The following RELCH variants were observed in gnomAD, a reference collection of about 807,000 sequenced individuals.
RELCH encodes RAB11 binding and LisH domain, coiled-coil and HEAT repeat containing.
Under a neutral mutation model 150.3 loss-of-function variants are expected in RELCH, and 41 were observed. The ratio of observed to expected loss-of-function variants is 0.27; its 90% CI spans 0.21 to 0.35. The LOEUF is 0.35. Among genes scored for constraint, RELCH ranks in the 10% least tolerant of loss-of-function variants. The probability of loss-of-function intolerance (pLI) is 1.00; values close to 1 mark genes in which losing one functional copy is unlikely to be tolerated. For missense variants in RELCH, 1,092 were observed against 1,467.8 expected, an observed-to-expected ratio of 0.74 and a Z score of 4.18; for synonymous variants, 478 against 531.8, an observed-to-expected ratio of 0.90 and a Z score of 1.39.
intron 1 of RELCH, among the ~76,000 whole-genome samples, chr18:62,198,625 A>G (rs1390713010): frequency 3.9e-5 from 6 of 152,162 alleles, no homozygotes; most frequent in Non-Finnish European, 1.5e-5. Context: ...CATTTGTACC[A>G]TCAGTTTTAG....
chr18:62,279,938 A>G (rs1263691232), intron 23 of RELCH, 82 bp downstream of exon 23: 2 of 834,972 alleles, frequency 2.4e-6, no homozygotes, highest in Non-Finnish European at 3.8e-6. Context: ...TCTTAAATTT[A>G]TTGAAGAATC....
intron 11 of RELCH, chr18:62,247,219 T>C (rs933871995): frequency 1.3e-5 from 2 of 152,132 alleles, no homozygotes; most frequent in African/African-American, 4.8e-5. Context: ...ATGAGCCCCA[T>C]AAAAATTGCA....
In RELCH at chr18:62,245,001, G is replaced by T. The variant is rs574108928; in HGVS notation, c.1733+125G>T. 3.6e-5 allele frequency: 23 copies of T among 634,398 alleles called. No homozygotes were observed. In the South Asian group the frequency reaches 3.7e-4, roughly 10 times the overall value. The allele number at this position is 634,398 out of a possible 1,614,324, so 39.3% of individuals were successfully genotyped here. ...TCCTTCCAGTATCTATTTTAGCAGC[G>T]CTGGAGCATTCCCCCATCATGGATT... On this transcript the variant is annotated intron_variant, in intron 11 of 28. Coordinates refer to ENST00000644646, the MANE Select transcript of RELCH (RefSeq NM_001346231.2).
intron 17 of RELCH, 37 bp downstream of exon 17, chr18:62,264,182 T>C (rs1174939241): frequency 6.6e-7 from 1 of 1,508,216 alleles, no homozygotes. Context: ...GAATAGATGA[T>C]AACTCTTATA....
chr18:62,219,329 T>TC (rs2040690830), intron 2 of RELCH, among the ~76,000 whole-genome samples: 5 of 147,526 alleles, frequency 3.4e-5, no homozygotes, highest in Admixed American at 3.4e-4. Flanking sequence ...TTTTTTCTTT[T>TC]TTTTTTTTTT....
chr18:62,245,680 G>A (rs2148503957), intron 11 of RELCH: 1 of 152,178 alleles, frequency 6.6e-6, no homozygotes, highest in African/African-American at 2.4e-5. Flanking sequence ...TATAGGTACT[G>A]AAGGCCATTA....
intron 2 of RELCH, among the ~76,000 whole-genome samples, chr18:62,213,149 T>G (rs1395943468): frequency 6.6e-6 from 1 of 152,116 alleles, no homozygotes; most frequent in Non-Finnish European, 1.5e-5. Flanking sequence ...AAATAGCACT[T>G]GTTATATATA....
intron 27 of RELCH, among the ~76,000 whole-genome samples, chr18:62,296,218 T>C (rs980034190): frequency 6.6e-6 from 1 of 152,254 alleles, no homozygotes; most frequent in African/African-American, 2.4e-5. Flanking sequence ...TAGTTAATTT[T>C]ATGGTTCCAT....
At chr18:62,214,445 G>T (rs1335230506) in intron 2 of RELCH, among the ~76,000 whole-genome samples, 1 of 152,102 alleles carries the variant, frequency 6.6e-6, no homozygotes, top group Non-Finnish European at 1.5e-5. Context: ...ACTCCTCATG[G>T]TTTGGAGTCT....
At chr18:62,297,853 T>C (rs1006607980) in intron 27 of RELCH, among the ~76,000 whole-genome samples, 3 of 152,170 alleles carry the variant, frequency 2.0e-5, no homozygotes, top group Admixed American at 1.3e-4. Context: ...TTCCTCCATC[T>C]CCTTCATGTT....
Position 62,298,875 on chromosome 18 carries a change from C to CT in RELCH, c.3530+22dup. On this transcript the variant is annotated intron_variant, in intron 28 of 28. Coordinates refer to ENST00000644646, the MANE Select transcript of RELCH (RefSeq NM_001346231.2). ...GAGCCTCAAGGGTAAGACATTAATT[C>CT]TTTTTTTAAGGCTACATGTTAACTT... is the stretch of plus-strand genomic sequence containing the variant. 6 of 1,451,732 alleles carry CT rather than the reference C, an allele frequency of 4.1e-6. No homozygotes were observed. Among genetic ancestry groups the CT allele is most frequent in the Non-Finnish European group, 5.7e-6 (6 of 1,049,322 alleles). The allele number at this position is 1,451,732 out of a possible 1,614,324, so 89.9% of individuals were successfully genotyped here. A position where few individuals can be genotyped will look rare whatever the true frequency, so the allele number is the denominator to read the frequency against.
At chr18:62,244,964 A>C in intron 11 of RELCH, 88 bp downstream of exon 11, 1 of 849,562 alleles carries the variant, frequency 1.2e-6, no homozygotes, top group Non-Finnish European at 2.0e-6. Flanking sequence ...TTTGAATCTA[A>C]AATGCCTTCT....
At chr18:62,214,590 T>G (rs1325897791) in intron 2 of RELCH, among the ~76,000 whole-genome samples, 1 of 152,144 alleles carries the variant, frequency 6.6e-6, no homozygotes, top group Admixed American at 6.5e-5. Context: ...GACCCTGCAG[T>G]AGGTTTCTGC....
At chr18:62,238,660 G>A (rs78216830) in intron 10 of RELCH, among the ~76,000 whole-genome samples, 12,414 of 152,008 alleles carry the variant, frequency 0.082, 617 homozygotes, top group South Asian at 0.19. Flanking sequence ...GCTGAGATGG[G>A]AGTGGAAATG....
rs2045924429 is a variant in RELCH, at chr18:62,307,989, C to T, written c.*2455C>T. The T allele has an allele frequency of 6.6e-6, 1 of 152,156 alleles. No homozygotes were observed. The highest frequency in any genetic ancestry group is 2.1e-4 in the South Asian group (1 of 4,832). The allele number at this position is 152,156 out of a possible 1,614,324, so 9.4% of individuals were successfully genotyped here. A position where few individuals can be genotyped will look rare whatever the true frequency, so the allele number is the denominator to read the frequency against. On this transcript the variant is annotated 3_prime_UTR_variant, in exon 29 of 29. Coordinates refer to ENST00000644646, the MANE Select transcript of RELCH (RefSeq NM_001346231.2). The stretch of plus-strand genomic sequence containing the variant: ...TGCTAAACATCAAATTGATTTTCAA[C>T]CTGAACGAAATTGTGAGTAATTTAA...
intron 18 of RELCH, among the ~76,000 whole-genome samples, chr18:62,266,155 C>G (rs1393032081): frequency 6.6e-6 from 1 of 151,682 alleles, no homozygotes. Context: ...AAACAAACCT[C>G]TGTTCTAACT....
intron 25 of RELCH, among the ~76,000 whole-genome samples, chr18:62,285,100 C>T (rs528241958): frequency 9.3e-5 from 14 of 151,326 alleles, no homozygotes; most frequent in Non-Finnish European, 2.1e-4. Flanking sequence ...TATTTTTGAA[C>T]GTTTTCTGAT....
chr18:62,207,193 C>T (rs1189113245), intron 1 of RELCH, among the ~76,000 whole-genome samples: 1 of 152,134 alleles, frequency 6.6e-6, no homozygotes, highest in Non-Finnish European at 1.5e-5. Context: ...TAGAGACAGA[C>T]TTTCTATCAC....
At chr18:62,218,258 TAGATGACTC>T (rs1599874594) in intron 2 of RELCH, among the ~76,000 whole-genome samples, 2 of 151,894 alleles carry the variant, frequency 1.3e-5, no homozygotes, top group East Asian at 3.9e-4. Flanking sequence ...CATAGCAAAA[TAGATGACTC>T]AGACCTATTG....
Sources: allele counts gnomAD v4.1 joint callset (sites outside exome capture counted in the v4.1 genomes callset), GRCh38; gene constraint gnomAD v4.1.1; transcripts MANE v1.5; gene names NCBI Gene and HGNC (gene_info 2026-07-23, HGNC 2026-07-21).